Variants in KRT8 observed in about 807,000 individuals in gnomAD.
KRT8 encodes keratin, type II cytoskeletal 8.
In KRT8, 24 loss-of-function variants were observed where a neutral mutation model predicts 43.0. That is an observed-to-expected ratio of 0.56 (90% CI 0.40 to 0.78). The LOEUF (loss-of-function observed/expected upper bound fraction) is 0.78. KRT8 is among the 30% of genes least tolerant of loss of function. The pLI, the probability that KRT8 is intolerant of heterozygous loss-of-function variation, is 0.00. For missense variants in KRT8, 492 were observed against 638.4 expected (o/e 0.77, Z 2.47); for synonymous variants, 214 against 261.2 (o/e 0.82, Z 1.74).
chr12:52,901,588 C>G, intron 2 of KRT8: 1 of 573,956 alleles, frequency 1.7e-6, no homozygotes, highest in East Asian at 3.0e-5. Context: ...GGCTGCCTAT[C>G]TCTCCCGTCT....
At chr12:52,929,360 T>C (rs113094235) in intron 2 of KRT8, among the ~76,000 whole-genome samples, 12,413 of 151,976 alleles carry the variant, frequency 0.082, 713 homozygotes, top group Non-Finnish European at 0.12. Context: ...CCCAGCTGAT[T>C]TTTTTGTATT....
At chr12:52,928,497 C>T (rs557561589) in intron 2 of KRT8, among the ~76,000 whole-genome samples, 2 of 152,272 alleles carry the variant, frequency 1.3e-5, no homozygotes, top group East Asian at 3.9e-4. Context: ...CACACAGAAC[C>T]TTGTCTCATC....
At chr12:52,911,719 G>A (rs1941639897), upstream of KRT8, among the ~76,000 whole-genome samples, 1 of 152,078 alleles carries the variant, frequency 6.6e-6, no homozygotes, top group Non-Finnish European at 1.5e-5. Flanking sequence ...CACACTTCCA[G>A]TATAACGATG....
At chr12:52,904,608 C>CT (rs1333857612) in intron 1 of KRT8, 50 bp downstream of exon 1, 1 of 1,551,826 alleles carries the variant, frequency 6.4e-7, no homozygotes, top group East Asian at 2.2e-5. Flanking sequence ...CCGGGACTAC[C>CT]AGGAGAAAGG....
At chr12:52,915,355 C>T (rs1941715196) in intron 2 of KRT8, among the ~76,000 whole-genome samples, 1 of 145,804 alleles carries the variant, frequency 6.9e-6, no homozygotes, top group African/African-American at 2.6e-5. Flanking sequence ...GCTTGGGCAA[C>T]AGAGCAAGAC....
At chr12:52,915,169 C>T (rs540297110) in intron 2 of KRT8, among the ~76,000 whole-genome samples, 3 of 151,866 alleles carry the variant, frequency 2.0e-5, no homozygotes, top group East Asian at 3.9e-4. Flanking sequence ...GTCAGGAGAT[C>T]GAGACCATCC....
chr12:52,926,332 G>GCCCCCCCCCCCCCCCC, intron 2 of KRT8: 1 of 600,258 alleles, frequency 1.7e-6, no homozygotes, highest in Non-Finnish European at 3.0e-6. Context: ...GGCACTAGCT[G>GCCCCCCCCCCCCCCCC]CCCTCCCCAC....
rs747860756 is a variant in KRT8 at position 52,900,070 on chromosome 12, G to C, written c.691-5C>G. 11 of 1,611,966 alleles carry C rather than the reference G, an allele frequency of 6.8e-6. No homozygotes were observed. The African/African-American group carries it at 1.2e-4, about 18-fold the overall frequency. On this transcript the variant is annotated splice_region_variant and splice_polypyrimidine_tract_variant and intron_variant, in intron 4 of 7. Transcript: ENST00000692008. ...GGACTGCAGCTCCCGGATCTCCTGTGGGGGAAGAGGGCAAGTGGTGAGGCC... is the reference window on the plus strand; with the variant it reads ...GGACTGCAGCTCCCGGATCTCCTGTCGGGGAAGAGGGCAAGTGGTGAGGCC...
intron 2 of KRT8, chr12:52,901,496 C>A: frequency 1.8e-6 from 1 of 553,798 alleles, no homozygotes; most frequent in Non-Finnish European, 3.2e-6. Context: ...AGACCTCAGA[C>A]AGAACTTTCT....
chr12:52,925,792 C>T (rs1035002023), intron 2 of KRT8, among the ~76,000 whole-genome samples: 6 of 152,154 alleles, frequency 3.9e-5, no homozygotes, highest in African/African-American at 1.2e-4. Flanking sequence ...CTAATAGTTT[C>T]TTTGTCTCTT....
upstream of KRT8, chr12:52,906,391 C>T (rs933127913): frequency 3.0e-5 from 8 of 266,876 alleles, no homozygotes; most frequent in African/African-American, 6.7e-5. Context: ...GTGTGGCACT[C>T]GTGGTGCTAC....
At chr12:52,922,673 AAAAT>A (rs951583436) in intron 2 of KRT8, among the ~76,000 whole-genome samples, 1 of 152,198 alleles carries the variant, frequency 6.6e-6, no homozygotes, top group Non-Finnish European at 1.5e-5. Flanking sequence ...ACTCTGTCTC[AAAAT>A]AAATAAATAA....
chr12:52,934,901 A>G (rs1305254569), intron 2 of KRT8, among the ~76,000 whole-genome samples: 1 of 151,962 alleles, frequency 6.6e-6, no homozygotes, highest in Non-Finnish European at 1.5e-5. Flanking sequence ...CCCGGGAGGC[A>G]GAGGTTGCAG....
chr12:52,937,459 G>A (rs1463803698), intron 2 of KRT8, among the ~76,000 whole-genome samples: 3 of 151,720 alleles, frequency 2.0e-5, no homozygotes, highest in African/African-American at 4.8e-5. Flanking sequence ...AGGCTGAGGC[G>A]GGAGTATTGC....
intron 2 of KRT8, among the ~76,000 whole-genome samples, chr12:52,938,170 ATTTTTT>A (rs780140219): frequency 1.5e-3 from 46 of 30,192 alleles, no homozygotes; most frequent in African/African-American, 2.9e-3. Context: ...ATATATATAT[ATTTTTT>A]TTTTTTTTTA....
intron 2 of KRT8, among the ~76,000 whole-genome samples, chr12:52,940,187 C>T (rs1942242651): frequency 6.6e-6 from 1 of 152,056 alleles, no homozygotes; most frequent in African/African-American, 2.4e-5. Flanking sequence ...AATCCCAGCA[C>T]TTTGGGAGGC....
upstream of KRT8, among the ~76,000 whole-genome samples, chr12:52,908,235 T>C (rs534531511): frequency 9.6e-4 from 146 of 152,282 alleles, 1 homozygote; most frequent in South Asian, 5.4e-3. Context: ...GTTTTTTTTT[T>C]TCTTTTTTGA....
intron 2 of KRT8, among the ~76,000 whole-genome samples, chr12:52,930,068 C>T (rs1029562698): frequency 1.3e-5 from 2 of 152,218 alleles, no homozygotes; most frequent in African/African-American, 4.8e-5. Flanking sequence ...GAACCTCTCA[C>T]AGGATTGCTA....
exon 3 of KRT8, chr12:52,901,167 T>A (rs1365659231): frequency 8.7e-6 from 14 of 1,609,724 alleles, no homozygotes; most frequent in Non-Finnish European, 1.2e-5. Flanking sequence ...ACCTTCTTGA[T>A]GAGGACAAAT....
Sources: gnomAD v4.1 joint callset for allele counts (sites outside exome capture counted in the v4.1 genomes callset) on GRCh38, gnomAD v4.1.1 for gene constraint, MANE v1.5 for transcripts, NCBI Gene and HGNC (gene_info 2026-07-23, HGNC 2026-07-21) for gene names.